Variants in KLF7 observed in about 807,000 individuals in gnomAD.
The protein encoded by KLF7 is Krueppel-like factor 7.
Under a neutral mutation model 27.3 loss-of-function variants are expected in KLF7, and 2 were observed. The ratio of observed to expected loss-of-function variants is 0.07; its 90% CI spans 0.03 to 0.23. The LOEUF is 0.23. KLF7 is among the 10% of genes least tolerant of loss of function. The probability of loss-of-function intolerance (pLI) is 1.00; values close to 1 mark genes in which losing one functional copy is unlikely to be tolerated. For missense variants in KLF7, 221 were observed against 394.1 expected (o/e 0.56, Z 3.72); for synonymous variants, 165 against 162.4 (o/e 1.02, Z -0.12).
chr2:207,147,147 A>C (rs149719623), intron 1 of KLF7, among the ~76,000 whole-genome samples: 3 of 152,340 alleles, frequency 2.0e-5, no homozygotes, highest in African/African-American at 4.8e-5. Context: ...TCCCATTAAA[A>C]GAACAGCAAT....
chr2:207,121,814 T>C (rs2077348126), intron 2 of KLF7: 1 of 152,188 alleles, frequency 6.6e-6, no homozygotes, highest in Non-Finnish European at 1.5e-5. Flanking sequence ...GACATCTCTA[T>C]TGGAAAGAGG....
chr2:207,167,058 A>G, upstream of KLF7: 3 of 1,209,176 alleles, frequency 2.5e-6, no homozygotes, highest in Non-Finnish European at 3.2e-6. Flanking sequence ...TGCGTTAAAG[A>G]GGCTAGAGGG....
chr2:207,080,878 C>G lies in KLF7; in HGVS notation c.*335G>C, dbSNP rs547082052. The G allele has an allele frequency of 4.8e-6, 2 of 416,164 alleles. No homozygotes were observed. The highest frequency in any genetic ancestry group is 4.1e-5 in the African/African-American group (2 of 48,996). The allele number at this position is 416,164 out of a possible 1,614,324, so 25.8% of individuals were successfully genotyped here. A position where few individuals can be genotyped will look rare whatever the true frequency, so the allele number is the denominator to read the frequency against. ...CATTTTCTTTGATTTCCATTGGCAA[C>G]AGCGGGAAATAATTCCAATAGTGCT... On this transcript the variant is annotated 3_prime_UTR_variant, in exon 4 of 4. Coordinates refer to ENST00000309446, the MANE Select transcript of KLF7 (RefSeq NM_003709.4).
intron 2 of KLF7, among the ~76,000 whole-genome samples, chr2:207,102,125 TTCAC>T (rs1412617675): frequency 4.8e-4 from 58 of 121,212 alleles, no homozygotes; most frequent in East Asian, 8.1e-4. Context: ...TACATTCACA[TTCAC>T]ACACACACAC....
chr2:207,103,349 C>CAAT (rs2076810709), intron 2 of KLF7, among the ~76,000 whole-genome samples: 1 of 152,182 alleles, frequency 6.6e-6, no homozygotes, highest in African/African-American at 2.4e-5. Context: ...GGGACCTGAG[C>CAAT]AATACCTCAG....
chr2:207,081,881 G>C (rs1189225570), intron 3 of KLF7, among the ~76,000 whole-genome samples: 1 of 150,878 alleles, frequency 6.6e-6, no homozygotes, highest in Non-Finnish European at 1.5e-5. Flanking sequence ...GGATGAAGAA[G>C]GGTGCTCACA....
intron 1 of KLF7, among the ~76,000 whole-genome samples, chr2:207,152,805 G>A (rs2078280961): frequency 6.6e-6 from 1 of 152,162 alleles, no homozygotes; most frequent in Non-Finnish European, 1.5e-5. Context: ...AGAACATTTT[G>A]GAGCGGAAGG....
intron 2 of KLF7, among the ~76,000 whole-genome samples, chr2:207,107,510 T>C (rs537998243): frequency 6.6e-6 from 1 of 152,308 alleles, no homozygotes; most frequent in South Asian, 2.1e-4. Context: ...CAAATATGAG[T>C]GTGTGTAAAA....
At chr2:207,158,490 C>T (rs1023753728) in intron 1 of KLF7, among the ~76,000 whole-genome samples, 1 of 152,130 alleles carries the variant, frequency 6.6e-6, no homozygotes, top group Non-Finnish European at 1.5e-5. Flanking sequence ...GTGCCAGAAA[C>T]AAAGCAATTT....
intron 1 of KLF7, 105 bp from the exon 2 acceptor site, chr2:207,124,509 A>G (rs764234609): frequency 8.2e-6 from 9 of 1,093,258 alleles, no homozygotes; most frequent in Non-Finnish European, 1.2e-5. Flanking sequence ...GAATGGTGTC[A>G]TGGCTTGTAT....
intron 1 of KLF7, among the ~76,000 whole-genome samples, chr2:207,143,842 T>C (rs760454011): frequency 6.6e-6 from 1 of 152,100 alleles, no homozygotes. Context: ...AACAAAAGCT[T>C]CAGGGCCGGA....
chr2:207,096,233 A>C (rs1287169637), intron 2 of KLF7, among the ~76,000 whole-genome samples: 1 of 152,112 alleles, frequency 6.6e-6, no homozygotes, highest in African/African-American at 2.4e-5. Flanking sequence ...CCTTTGTGGA[A>C]TCTCTCCTCC....
In KLF7 at chr2:207,160,862, T is replaced by C. The variant is rs556218810; in HGVS notation, c.102+4605A>G. Among the ~76,000 whole-genome samples the C allele has an allele frequency of 4.6e-5, 7 of 152,286 alleles. No individual in the cohort carries two copies. The South Asian group carries it at 1.2e-3, about 27-fold the overall frequency. On this transcript the variant is annotated intron_variant, in intron 1 of 3. Coordinates refer to ENST00000309446, the MANE Select transcript of KLF7 (RefSeq NM_003709.4). ...TTAAGGTCTCTGACACACCCATACA[T>C]AAATCATTTCAGGGCAAGGCTGTCA... is the stretch of plus-strand genomic sequence containing the variant.
At chr2:207,137,428 C>T (rs1482166273) in intron 1 of KLF7, among the ~76,000 whole-genome samples, 1 of 152,206 alleles carries the variant, frequency 6.6e-6, no homozygotes, top group Non-Finnish European at 1.5e-5. Flanking sequence ...GGTATCTTTG[C>T]CATAAATTCC....
At position 207,078,809 on chromosome 2, in the gene KLF7, T is replaced by A. The variant is rs1167435161; in HGVS notation, c.*2404A>T. ...GGATGCACCACACATTCAAATATAA[T>A]CCCATGGTACGCCCTGATGGACTGG... On this transcript the variant is annotated 3_prime_UTR_variant, in exon 4 of 4. Coordinates refer to ENST00000309446, the MANE Select transcript of KLF7 (RefSeq NM_003709.4). 6.6e-6 allele frequency: 1 copy of A among 152,076 alleles called. No individual in the cohort carries two copies. Among genetic ancestry groups the A allele is most frequent in the Non-Finnish European group, 1.5e-5 (1 of 68,008 alleles). The allele number at this position is 152,076 out of a possible 1,614,324, so 9.4% of individuals were successfully genotyped here.
chr2:207,135,197 A>G (rs1192272208), intron 1 of KLF7, among the ~76,000 whole-genome samples: 1 of 152,128 alleles, frequency 6.6e-6, no homozygotes, highest in East Asian at 1.9e-4. Context: ...GGGCCCACTA[A>G]TCTGGAATTC....
Position 207,145,094 on chromosome 2 carries a change from T to C in KLF7, c.102+20373A>G, listed in dbSNP as rs78481706. ...TTAAGGAATGGAACTCTCGTATCTA[T>C]ATTGTAAAAACGAATTGCCACCACT... On this transcript the variant is annotated intron_variant, in intron 1 of 3. Transcript: ENST00000309446. Among the ~76,000 whole-genome samples, 314 of 152,348 alleles carry C rather than the reference T, an allele frequency of 2.1e-3. 3 individuals carry two copies. The highest frequency in any genetic ancestry group is 6.9e-3 in the East Asian group (36 of 5,186).
Position 207,157,161 on chromosome 2 carries a change from G to A in KLF7, c.102+8306C>T, listed in dbSNP as rs147089912. ...TAAAAGTTGACTACCAAAACTATAC[G>A]CAAGGCATCAACTCCTTAAAGCATA... On this transcript the variant is annotated intron_variant, in intron 1 of 3. Transcript: ENST00000309446. Among the ~76,000 whole-genome samples, 633 of 141,548 alleles carry A rather than the reference G, an allele frequency of 4.5e-3. 6 individuals are homozygous for A. Among genetic ancestry groups the A allele is most frequent in the African/African-American group, 0.016 (587 of 37,690 alleles). 92.9% of individuals were successfully genotyped at this position (141,548 alleles called of 152,430 possible).
At chr2:207,167,765 G>A (rs932560093), upstream of KLF7, among the ~76,000 whole-genome samples, 1 of 152,306 alleles carries the variant, frequency 6.6e-6, no homozygotes, top group African/African-American at 2.4e-5. Context: ...GTCAGAACTT[G>A]TATCTACCCA....
Sources: gnomAD v4.1 joint callset for allele counts (sites outside exome capture counted in the v4.1 genomes callset) on GRCh38, gnomAD v4.1.1 for gene constraint, MANE v1.5 for transcripts, NCBI Gene and HGNC (gene_info 2026-07-23, HGNC 2026-07-21) for gene names.